Variants in DLC1 observed in about 807,000 individuals in gnomAD.
DLC1 encodes the protein DLC1 Rho GTPase activating protein.
A neutral mutation model predicts 140.3 loss-of-function variants in DLC1; 54 were observed. That is an observed-to-expected ratio of 0.38 (90% CI 0.31 to 0.48). The LOEUF is 0.48. Ranked by LOEUF, DLC1 falls within the 20% of genes least tolerant of loss-of-function variation. The pLI is 0.96. For missense variants in DLC1, 2,536 were observed against 1,907.0 expected (o/e 1.33, Z -6.14); for synonymous variants, 986 against 728.1 (o/e 1.35, Z -5.70).
At chr8:13,588,115 A>C (rs955272137) in intron 1 of DLC1, among the ~76,000 whole-genome samples, 2 of 152,124 alleles carry the variant, frequency 1.3e-5, no homozygotes, top group Admixed American at 1.3e-4. Context: ...ATGGAAGCAC[A>C]GTCTGCAAGG....
intron 2 of DLC1, among the ~76,000 whole-genome samples, chr8:13,495,849 C>A (rs1801476011): frequency 6.6e-6 from 1 of 152,028 alleles, no homozygotes; most frequent in Admixed American, 6.6e-5. Context: ...TTTGAAGATC[C>A]CCCTTATAAG....
At chr8:13,185,422 C>T (rs1304343051) in intron 5 of DLC1, among the ~76,000 whole-genome samples, 2 of 151,906 alleles carry the variant, frequency 1.3e-5, no homozygotes, top group Non-Finnish European at 2.9e-5. Context: ...ATTCTCCTGC[C>T]TCAGCCTCCC....
chr8:13,268,756 G>A (rs1282059494), intron 5 of DLC1, among the ~76,000 whole-genome samples: 1 of 151,900 alleles, frequency 6.6e-6, no homozygotes, highest in Non-Finnish European at 1.5e-5. Flanking sequence ...TGTGTTTATA[G>A]GATACTCTTG....
rs150354909 is a variant in DLC1 at position 13,369,236 on chromosome 8, G to A, written c.1314+24317C>T. 2.0e-5 allele frequency among the ~76,000 whole-genome samples: 3 copies of A among 151,236 alleles called. No homozygotes were observed. In the East Asian group the frequency reaches 5.9e-4, roughly 29 times the overall value. ...TGTCTTAACCTTCTGTCTCTCTCCT[G>A]TCATGCCATAGAGTGGAGTTGTTGA... On this transcript the variant is annotated intron_variant, in intron 4 of 17. Transcript: ENST00000276297.
chr8:13,385,413 C>T (rs1477992523), intron 4 of DLC1, among the ~76,000 whole-genome samples: 1 of 152,012 alleles, frequency 6.6e-6, no homozygotes, highest in Non-Finnish European at 1.5e-5. Flanking sequence ...AGTAGAAAGA[C>T]TAGAGAAACG....
chr8:13,277,366 C>T (rs948069602), intron 5 of DLC1, among the ~76,000 whole-genome samples: 1 of 152,140 alleles, frequency 6.6e-6, no homozygotes, highest in South Asian at 2.1e-4. Context: ...AAATACTGAT[C>T]AGCTCCTCAC....
chr8:13,541,302 C>G (rs1046463006), intron 1 of DLC1, among the ~76,000 whole-genome samples: 2 of 152,090 alleles, frequency 1.3e-5, no homozygotes, highest in Non-Finnish European at 1.5e-5. Flanking sequence ...TTTTCTTTCT[C>G]TTAAGTAAAT....
intron 2 of DLC1, among the ~76,000 whole-genome samples, chr8:13,425,635 T>C (rs764877220): frequency 1.3e-5 from 2 of 148,464 alleles, no homozygotes; most frequent in Non-Finnish European, 3.0e-5. Context: ...TTTTGAAGTA[T>C]TGAGTCAATA....
chr8:13,256,747 A>T (rs922218203), intron 5 of DLC1, among the ~76,000 whole-genome samples: 10 of 152,206 alleles, frequency 6.6e-5, no homozygotes, highest in African/African-American at 2.2e-4. Flanking sequence ...GGGAAGGGAG[A>T]GCATTAAGAC....
chr8:13,322,495 C>CAT (rs71207140), intron 4 of DLC1, among the ~76,000 whole-genome samples: 129,453 of 151,878 alleles, frequency 0.85, 55,630 homozygotes, highest in East Asian at 0.95. Context: ...GACATTATAA[C>CAT]ATAATTCAAC....
intron 5 of DLC1, among the ~76,000 whole-genome samples, chr8:13,251,093 C>T (rs569234628): frequency 3.9e-5 from 6 of 152,232 alleles, no homozygotes; most frequent in Admixed American, 3.3e-4. Flanking sequence ...TAGACAGCCA[C>T]CTTCTTGTCT....
At chr8:13,519,251 C>G (rs1802692476), upstream of DLC1, among the ~76,000 whole-genome samples, 1 of 151,882 alleles carries the variant, frequency 6.6e-6, no homozygotes, top group Non-Finnish European at 1.5e-5. Context: ...CCTCAGCCTC[C>G]CAAGTAGCTG....
chr8:13,426,420 C>G (rs954380544), intron 2 of DLC1, among the ~76,000 whole-genome samples: 2 of 152,106 alleles, frequency 1.3e-5, no homozygotes, highest in Non-Finnish European at 2.9e-5. Context: ...TAATTGAATA[C>G]CAACATCTTT....
chr8:13,281,842 CTATT>C (rs1233164101), intron 5 of DLC1, among the ~76,000 whole-genome samples: 1 of 152,176 alleles, frequency 6.6e-6, no homozygotes, highest in African/African-American at 2.4e-5. Context: ...ATTTCAGTAA[CTATT>C]TATGCTTTCT....
At chr8:13,567,471 G>A in intron 1 of DLC1, 1 of 1,552,088 alleles carries the variant, frequency 6.4e-7, no homozygotes, top group Non-Finnish European at 8.7e-7. Context: ...AGGCTTCAGA[G>A]AGAGATGCCT....
At chr8:13,403,785 G>A (rs1837402245) in intron 2 of DLC1, among the ~76,000 whole-genome samples, 1 of 146,220 alleles carries the variant, frequency 6.8e-6, no homozygotes, top group Non-Finnish European at 1.5e-5. Flanking sequence ...GGTACTATAG[G>A]CATGTACCAC....
intron 5 of DLC1, among the ~76,000 whole-genome samples, chr8:13,192,351 A>T (rs1285245884): frequency 6.6e-6 from 1 of 152,234 alleles, no homozygotes; most frequent in Non-Finnish European, 1.5e-5. Context: ...TGACAAAATT[A>T]GTAATACAAA....
At chr8:13,573,450 A>G (rs1374155821) in intron 1 of DLC1, among the ~76,000 whole-genome samples, 1 of 152,136 alleles carries the variant, frequency 6.6e-6, no homozygotes, top group African/African-American at 2.4e-5. Context: ...ATGCCTTTCT[A>G]TCTTTGCATA....
intron 2 of DLC1, among the ~76,000 whole-genome samples, chr8:13,463,691 CATAG>C (rs1799786898): frequency 6.6e-6 from 1 of 152,190 alleles, no homozygotes; most frequent in African/African-American, 2.4e-5. Flanking sequence ...AATAGCCACT[CATAG>C]TTATTATTTT....
Sources: gnomAD v4.1 joint callset for allele counts (sites outside exome capture counted in the v4.1 genomes callset) on GRCh38, gnomAD v4.1.1 for gene constraint, MANE v1.5 for transcripts, NCBI Gene and HGNC (gene_info 2026-07-23, HGNC 2026-07-21) for gene names.